The following NR2F1-AS1 variants were observed in gnomAD, a reference collection of about 807,000 sequenced individuals.
NR2F1-AS1 encodes the protein NR2F1 regulatory antisense RNA 1.
chr5:93,483,124 T>C (rs1308119619), intron 4 of NR2F1-AS1, among the ~76,000 whole-genome samples: 1 of 152,176 alleles, frequency 6.6e-6, no homozygotes, highest in Non-Finnish European at 1.5e-5. Context: ...CTCCTCAAGT[T>C]GGTCCCTGAC....
intron 4 of NR2F1-AS1, among the ~76,000 whole-genome samples, chr5:93,533,763 A>G (rs562753332): frequency 6.6e-6 from 1 of 152,326 alleles, no homozygotes; most frequent in South Asian, 2.1e-4. Flanking sequence ...TAAAGAGGTT[A>G]GGATATATCT....
chr5:93,423,769 A>G (rs1306545695), intron 4 of NR2F1-AS1, among the ~76,000 whole-genome samples: 1 of 152,198 alleles, frequency 6.6e-6, no homozygotes, highest in Admixed American at 6.5e-5. Context: ...CTATACTTTC[A>G]TGAGTCAGCA....
At chr5:93,531,954 T>A (rs1751744365) in intron 4 of NR2F1-AS1, among the ~76,000 whole-genome samples, 1 of 152,174 alleles carries the variant, frequency 6.6e-6, no homozygotes, top group African/African-American at 2.4e-5. Flanking sequence ...AAATCTAAAG[T>A]AAGACAAGAA....
chr5:93,421,587 T>C (rs1015319804), intron 4 of NR2F1-AS1, among the ~76,000 whole-genome samples: 1 of 152,204 alleles, frequency 6.6e-6, no homozygotes, highest in African/African-American at 2.4e-5. Context: ...ATGAAAGTTA[T>C]ACTGCATTTG....
chr5:93,491,549 T>C lies in NR2F1-AS1; in HGVS notation n.638+62212A>G, dbSNP rs186367736. Among the ~76,000 whole-genome samples the C allele has an allele frequency of 2.6e-5, 4 of 152,248 alleles. No homozygotes were observed. The East Asian group carries it at 7.7e-4, about 29-fold the overall frequency. On this transcript the variant is annotated intron_variant and non_coding_transcript_variant, in intron 4 of 5. Coordinates refer to ENST00000660523, the Ensembl canonical transcript of NR2F1-AS1. ...CTAGAAAAACATTATTCTGGGTGTGTCTGTGAGAGTGTGTCCAGAAGAGAT... is the reference window on the plus strand; with the variant it reads ...CTAGAAAAACATTATTCTGGGTGTGCCTGTGAGAGTGTGTCCAGAAGAGAT...
At chr5:93,465,215 A>G (rs887309399) in intron 4 of NR2F1-AS1, among the ~76,000 whole-genome samples, 3 of 152,376 alleles carry the variant, frequency 2.0e-5, no homozygotes, top group Admixed American at 2.0e-4. Flanking sequence ...CAAAGAACTT[A>G]AACAACTTTA....
chr5:93,426,374 G>A (rs1335474740), intron 4 of NR2F1-AS1, among the ~76,000 whole-genome samples: 1 of 152,128 alleles, frequency 6.6e-6, no homozygotes, highest in Non-Finnish European at 1.5e-5. Flanking sequence ...AAGGGCACCA[G>A]GCAGGGCAAT....
chr5:93,490,609 AGTGGTG>A (rs977486796), intron 4 of NR2F1-AS1, among the ~76,000 whole-genome samples: 10 of 104,562 alleles, frequency 9.6e-5, no homozygotes, highest in African/African-American at 2.6e-4. Context: ...TGGCGGTGGC[AGTGGTG>A]GTGGTGGTGG....
rs1034837499 is a variant in NR2F1-AS1, at chr5:93,442,238, G to A, written n.639-46696C>T. Among the ~76,000 whole-genome samples, 13 of 152,268 alleles carry A rather than the reference G, an allele frequency of 8.5e-5. No homozygotes were observed. In the East Asian group the frequency reaches 1.4e-3, roughly 16 times the overall value. On this transcript the variant is annotated intron_variant and non_coding_transcript_variant, in intron 4 of 5. Coordinates refer to ENST00000660523, the Ensembl canonical transcript of NR2F1-AS1. ...CACAGAGTGTGAGCTGAAGCAGGGCGGGGCATCACCTCACCCAGGAAGCGC... is the reference window on the plus strand; with the variant it reads ...CACAGAGTGTGAGCTGAAGCAGGGCAGGGCATCACCTCACCCAGGAAGCGC...
intron 4 of NR2F1-AS1, among the ~76,000 whole-genome samples, chr5:93,515,392 CTTCTT>C (rs1751380259): frequency 6.6e-6 from 1 of 151,880 alleles, no homozygotes; most frequent in Non-Finnish European, 1.5e-5. Flanking sequence ...TAGTTCTCCA[CTTCTT>C]TTCATCATTC....
At chr5:93,550,275 G>C (rs1299428375) in intron 4 of NR2F1-AS1, among the ~76,000 whole-genome samples, 1 of 152,106 alleles carries the variant, frequency 6.6e-6, no homozygotes, top group Non-Finnish European at 1.5e-5. Context: ...ATATTTGAAA[G>C]CAGAGTTGAC....
chr5:93,410,967 T>G (rs549147552), intron 4 of NR2F1-AS1: 1 of 152,280 alleles, frequency 6.6e-6, no homozygotes, highest in South Asian at 2.1e-4. Context: ...TGTTAGGAGT[T>G]TTTTTGGATT....
chr5:93,565,157 A>G (rs1438453561), intron 1 of NR2F1-AS1, among the ~76,000 whole-genome samples: 1 of 152,196 alleles, frequency 6.6e-6, no homozygotes, highest in Non-Finnish European at 1.5e-5. Flanking sequence ...GACTTATTAT[A>G]TAGTCTTAGG....
Position 93,578,586 on chromosome 5 carries a change from G to A in NR2F1-AS1, n.313+1881C>T, listed in dbSNP as rs1379970331. Among the ~76,000 whole-genome samples the A allele has an allele frequency of 2.0e-5, 3 of 152,290 alleles. No homozygotes were observed. In the East Asian group the frequency reaches 5.8e-4, roughly 29 times the overall value. On this transcript the variant is annotated intron_variant and non_coding_transcript_variant, in intron 1 of 5. Coordinates refer to ENST00000660523, the Ensembl canonical transcript of NR2F1-AS1. ...CCTGTGGGCCTGGCTGGAGGCCTCG[G>A]GTAGGATGCTGAGGCAAGAGCCACA... is the stretch of plus-strand genomic sequence containing the variant.
chr5:93,416,514 C>T (rs1241545521), intron 4 of NR2F1-AS1, among the ~76,000 whole-genome samples: 1 of 152,068 alleles, frequency 6.6e-6, no homozygotes, highest in Non-Finnish European at 1.5e-5. Context: ...AAAGTATGGA[C>T]AATTATCAAA....
At chr5:93,421,493 GC>G (rs1295648776) in intron 4 of NR2F1-AS1, among the ~76,000 whole-genome samples, 1 of 152,084 alleles carries the variant, frequency 6.6e-6, no homozygotes, top group East Asian at 1.9e-4. Context: ...ACAACCAGCT[GC>G]CCCCTCTTCA....
intron 4 of NR2F1-AS1, among the ~76,000 whole-genome samples, chr5:93,483,608 C>G (rs565057226): frequency 6.6e-6 from 1 of 152,150 alleles, no homozygotes; most frequent in Non-Finnish European, 1.5e-5. Flanking sequence ...GTCTGAAGAA[C>G]TGACAGAAGT....
chr5:93,531,396 G>T (rs970861527), intron 4 of NR2F1-AS1, among the ~76,000 whole-genome samples: 3 of 152,130 alleles, frequency 2.0e-5, no homozygotes, highest in African/African-American at 7.2e-5. Flanking sequence ...CCACCTATGC[G>T]TATCCTCATT....
At chr5:93,462,305 G>C (rs573224917) in intron 4 of NR2F1-AS1, among the ~76,000 whole-genome samples, 1 of 152,226 alleles carries the variant, frequency 6.6e-6, no homozygotes, top group South Asian at 2.1e-4. Context: ...AAAATGGGGA[G>C]TTTCGCTGCA....
Sources: allele counts gnomAD v4.1 joint callset (sites outside exome capture counted in the v4.1 genomes callset), GRCh38; gene constraint gnomAD v4.1.1; transcripts MANE v1.5; gene names NCBI Gene and HGNC (gene_info 2026-07-23, HGNC 2026-07-21).